Variants in KCNU1 observed in about 807,000 individuals in gnomAD.
The protein encoded by KCNU1 is potassium calcium-activated channel subfamily U member 1, also known as potassium channel subfamily U member 1.
Under a neutral mutation model 126.8 loss-of-function variants are expected in KCNU1, and 93 were observed. The observed-to-expected ratio is 0.73, with a 90% CI of 0.62 to 0.87. The LOEUF is 0.87. Among genes scored for constraint, KCNU1 ranks in the 40% least tolerant of loss-of-function variants. The pLI, the probability that KCNU1 is intolerant of heterozygous loss-of-function variation, is 0.00. For missense variants in KCNU1, 1,330 were observed against 1,367.1 expected, an observed-to-expected ratio of 0.97 and a Z score of 0.43; for synonymous variants, 523 against 494.2, an observed-to-expected ratio of 1.06 and a Z score of -0.77.
At chr8:36,804,395 T>C (rs1175172480) in intron 3 of KCNU1, among the ~76,000 whole-genome samples, 2 of 152,170 alleles carry the variant, frequency 1.3e-5, no homozygotes. Flanking sequence ...TTCCCTCACT[T>C]AGGCCACTCA....
At chr8:36,900,391 T>A (rs1481297602) in intron 19 of KCNU1, among the ~76,000 whole-genome samples, 1 of 150,936 alleles carries the variant, frequency 6.6e-6, no homozygotes, top group African/African-American at 2.4e-5. Context: ...AAACGCCTCA[T>A]AAAGAATAAA....
In KCNU1 at chr8:36,931,061, T is replaced by G. The variant is rs755110796; in HGVS notation, c.2847T>G (p.Asp949Glu). The stretch of plus-strand genomic sequence containing the variant: ...AGGATAAAGTCTATGGTGTGGCAGA[T>G]AGCTGCACGTCGCTCTTGTCTGGAA... ...LDKDKVYGVA[D>E]SCTSLLSGRN... Residue 949 changes from aspartate (D) to glutamate (E), a missense_variant, in exon 25 of 27, where the codon GAT (aspartate) becomes GAG (glutamate). Asp to Glu is a conservative substitution (Grantham distance 45, BLOSUM62 2). Transcript: ENST00000399881. 1.2e-6 allele frequency: 2 copies of G among 1,611,852 alleles called. No homozygotes were observed. Among genetic ancestry groups the G allele is most frequent in the Non-Finnish European group, 1.7e-6 (2 of 1,178,788 alleles).
chr8:36,864,390 C>A lies in KCNU1; in HGVS notation c.1892-14C>A, dbSNP rs1380846431. On this transcript the variant is annotated splice_polypyrimidine_tract_variant and intron_variant, in intron 18 of 26. Transcript: ENST00000399881. ...GAGATGTGCCAACTCACTGAGATTT[C>A]TATCCTATTGCAGTGCCATCGGTAA... 6.9e-7 allele frequency: 1 copy of A among 1,447,200 alleles called. No homozygotes were observed. The highest frequency in any genetic ancestry group is 9.7e-7 in the Non-Finnish European group (1 of 1,028,272). 89.6% of individuals were successfully genotyped at this position (1,447,200 alleles called of 1,614,324 possible).
Position 36,845,597 on chromosome 8 carries a change from C to T in KCNU1, c.1721C>T (p.Pro574Leu), listed in dbSNP as rs1375454954. 2 of 1,605,664 alleles carry T rather than the reference C, an allele frequency of 1.2e-6. No homozygotes were observed. The highest frequency in any genetic ancestry group is 2.2e-5 in the South Asian group (2 of 90,648). The part of the protein sequence containing the change: ...TDGFCGLILN[P>L]PPQVRIRKNT... The stretch of plus-strand genomic sequence containing the variant: ...GTTTCCAGTGGTCTGATACTAAATC[C>T]ACCTCCACAAGTGAGGATACGTAAG... Residue 574 changes from proline (P) to leucine (L), a missense_variant, in exon 17 of 27, where the codon CCA (proline) becomes CTA (leucine). Transcript: ENST00000399881.
intron 19 of KCNU1, among the ~76,000 whole-genome samples, chr8:36,895,933 T>C (rs1471673485): frequency 6.6e-6 from 1 of 152,024 alleles, no homozygotes; most frequent in Non-Finnish European, 1.5e-5. Flanking sequence ...TATAGAATCT[T>C]ATGCTCTTGG....
intron 16 of KCNU1, among the ~76,000 whole-genome samples, chr8:36,844,466 G>A (rs760050295): frequency 6.6e-6 from 1 of 152,078 alleles, no homozygotes; most frequent in Admixed American, 6.6e-5. Flanking sequence ...AATATTTAAG[G>A]GGCCGCAGTT....
intron 10 of KCNU1, 35 bp from the exon 11 acceptor site, chr8:36,833,519 T>C (rs772290940): frequency 4.7e-6 from 6 of 1,266,220 alleles, no homozygotes; most frequent in Admixed American, 1.7e-5. Context: ...AATCATCTTT[T>C]TTCCCTCATT....
intron 18 of KCNU1, among the ~76,000 whole-genome samples, chr8:36,852,684 A>T (rs994215909): frequency 6.6e-6 from 1 of 152,120 alleles, no homozygotes; most frequent in African/African-American, 2.4e-5. Flanking sequence ...ATATAAGTAT[A>T]CATGTTGTAT....
rs754818690 is a variant in KCNU1, at chr8:36,845,884, C to T, written c.1876C>T (p.Arg626Trp). ...AAACTGTGGCTGCAAAAGCAGAAGCCGGCAGCACATCACAGGTAATTGCAC... is the reference window on the plus strand; with the variant it reads ...AAACTGTGGCTGCAAAAGCAGAAGCTGGCAGCACATCACAGGTAATTGCAC... ...ITNCGCKSRS[R>W]QHITVPSVKR... The change falls in exon 18 of 27, where the codon CGG (arginine) becomes TGG (tryptophan). Residue 626 changes from arginine to tryptophan, a missense_variant. Physicochemically the swap from Arg to Trp is moderately radical, Grantham distance 101 (BLOSUM62 -3). This residue lies in a region of KCNU1 where 1,054 missense variants were observed against 1,053.9 expected (regional missense o/e 1.00). Transcript: ENST00000399881. 11 of 1,594,690 alleles carry T rather than the reference C, an allele frequency of 6.9e-6. No homozygotes were observed. In the Admixed American group the frequency reaches 6.9e-5, roughly 10 times the overall value.
chr8:36,895,266 A>G (rs1297791018), intron 19 of KCNU1, among the ~76,000 whole-genome samples: 2 of 151,920 alleles, frequency 1.3e-5, no homozygotes, highest in Non-Finnish European at 2.9e-5. Flanking sequence ...TTTAGTAGAG[A>G]TGGGGTTTCA....
intron 2 of KCNU1, among the ~76,000 whole-genome samples, chr8:36,791,011 A>G (rs1228452185): frequency 1.3e-5 from 2 of 149,696 alleles, no homozygotes; most frequent in African/African-American, 4.9e-5. Flanking sequence ...AAAAAAAAAA[A>G]GGAAAAAGGA....
intron 22 of KCNU1, among the ~76,000 whole-genome samples, chr8:36,917,354 CTT>C (rs35473262): frequency 4.2e-5 from 6 of 143,644 alleles, no homozygotes; most frequent in African/African-American, 5.1e-5. Context: ...CCACCAACTT[CTT>C]TTTTTTTTTT....
At chr8:36,928,223 G>C (rs538564282) in intron 24 of KCNU1, among the ~76,000 whole-genome samples, 36 of 152,148 alleles carry the variant, frequency 2.4e-4, no homozygotes, top group African/African-American at 8.7e-4. Context: ...ATATTCAAAA[G>C]CTAAGCCTCT....
At chr8:36,846,342 T>C (rs547506511) in intron 18 of KCNU1, among the ~76,000 whole-genome samples, 1 of 152,334 alleles carries the variant, frequency 6.6e-6, no homozygotes, top group African/African-American at 2.4e-5. Flanking sequence ...CCTTAATGGA[T>C]AGCAAGAAGT....
At chr8:36,830,208 T>A (rs1411445770) in intron 10 of KCNU1, among the ~76,000 whole-genome samples, 1 of 151,194 alleles carries the variant, frequency 6.6e-6, no homozygotes, top group East Asian at 1.9e-4. Context: ...AAATAAACTA[T>A]TTGTCTGAAA....
At chr8:36,808,692 A>G (rs770100986) in intron 6 of KCNU1, 26 bp from the exon 7 acceptor site, 36 of 1,473,986 alleles carry the variant, frequency 2.4e-5, no homozygotes, top group East Asian at 4.6e-5. Context: ...GTTAGACCCA[A>G]CAGCTCTTTG....
chr8:36,785,780 C>T (rs1802691111), intron 1 of KCNU1, among the ~76,000 whole-genome samples: 1 of 152,138 alleles, frequency 6.6e-6, no homozygotes, highest in Admixed American at 6.5e-5. Context: ...TCTTCTGCTC[C>T]AGGCAATGTT....
At chr8:36,785,675 G>A (rs1386859450) in intron 1 of KCNU1, among the ~76,000 whole-genome samples, 1 of 152,010 alleles carries the variant, frequency 6.6e-6, no homozygotes, top group Non-Finnish European at 1.5e-5. Flanking sequence ...CTGACATATG[G>A]GTAAATAGCT....
At chr8:36,827,162 ACTT>A (rs1804355772) in intron 10 of KCNU1, among the ~76,000 whole-genome samples, 1 of 152,116 alleles carries the variant, frequency 6.6e-6, no homozygotes, top group Admixed American at 6.6e-5. Flanking sequence ...GTATTTCTTT[ACTT>A]CTTTGAAACA....
Sources: gnomAD v4.1 joint callset for allele counts (sites outside exome capture counted in the v4.1 genomes callset) on GRCh38, gnomAD v4.1.1 for gene constraint, gnomAD v4.1.1 regional missense constraint, MANE v1.5 for transcripts, NCBI Gene and HGNC (gene_info 2026-07-23, HGNC 2026-07-21) for gene names.